COL22A1: variants seen among roughly 807,000 people sequenced by gnomAD.
COL22A1 encodes the protein collagen alpha-1(XXII) chain.
A neutral mutation model predicts 248.9 loss-of-function variants in COL22A1; 221 were observed. The ratio of observed to expected loss-of-function variants is 0.89; its 90% CI spans 0.80 to 0.99. The LOEUF (loss-of-function observed/expected upper bound fraction) is 0.99, where lower values mean the gene tolerates loss of function less well. COL22A1 is among the 50% of genes least tolerant of loss of function. The pLI, the probability that COL22A1 is intolerant of heterozygous loss-of-function variation, is 0.00. For synonymous variants in COL22A1, 891 were observed against 793.4 expected (o/e 1.12, Z -2.07); for missense variants, 2,240 against 2,179.0 (o/e 1.03, Z -0.56).
chr8:138,725,690 C>T (rs1355492038), intron 23 of COL22A1, among the ~76,000 whole-genome samples: 5 of 152,008 alleles, frequency 3.3e-5, no homozygotes, highest in African/African-American at 1.2e-4. Context: ...ATTATCTATT[C>T]TGCTATATAT....
At chr8:138,748,752 A>G (rs1023208811) in intron 22 of COL22A1, among the ~76,000 whole-genome samples, 9 of 152,214 alleles carry the variant, frequency 5.9e-5, no homozygotes, top group African/African-American at 2.2e-4. Context: ...GCCAAGCACC[A>G]TTGCATGGGT....
intron 1 of COL22A1, among the ~76,000 whole-genome samples, chr8:138,906,033 C>T (rs562890543): frequency 6.6e-6 from 1 of 152,254 alleles, no homozygotes; most frequent in South Asian, 2.1e-4. Context: ...TCCTTAGGGG[C>T]TCCCACAGAC....
At chr8:138,758,251 TA>T (rs749057822) in intron 18 of COL22A1, among the ~76,000 whole-genome samples, 46 of 152,154 alleles carry the variant, frequency 3.0e-4, no homozygotes, top group Non-Finnish European at 5.4e-4. Context: ...AGATAACTAT[TA>T]ATGTGTCCCC....
At chr8:138,623,680 G>C in intron 52 of COL22A1, 52 bp downstream of exon 52, 1 of 1,465,076 alleles carries the variant, frequency 6.8e-7, no homozygotes, top group Non-Finnish European at 9.4e-7. Flanking sequence ...AGTTGTTTTT[G>C]ACATGTAATA....
At chr8:138,798,597 G>A (rs763038194) in intron 11 of COL22A1, among the ~76,000 whole-genome samples, 19 of 152,008 alleles carry the variant, frequency 1.2e-4, no homozygotes, top group African/African-American at 1.9e-4. Flanking sequence ...ATTTTTATGC[G>A]TATTACATGC....
chr8:138,589,871 C>T (rs1378708242), intron 64 of COL22A1, among the ~76,000 whole-genome samples: 1 of 152,128 alleles, frequency 6.6e-6, no homozygotes, highest in Non-Finnish European at 1.5e-5. Context: ...CTTAGAGACA[C>T]CTGGTGACAT....
intron 3 of COL22A1, among the ~76,000 whole-genome samples, chr8:138,870,530 G>T (rs1319556569): frequency 6.6e-6 from 1 of 151,592 alleles, no homozygotes; most frequent in East Asian, 1.9e-4. Flanking sequence ...GTGCACATGT[G>T]CCTAGATATA....
intron 37 of COL22A1, 59 bp downstream of exon 37, chr8:138,688,858 A>G (rs1239992523): frequency 1.3e-5 from 18 of 1,433,644 alleles, no homozygotes; most frequent in Non-Finnish European, 9.8e-6. Context: ...CTGCTCCTTC[A>G]GTGCCTGTAA....
At chr8:138,667,667 G>T (rs921918916) in intron 41 of COL22A1, among the ~76,000 whole-genome samples, 1 of 152,052 alleles carries the variant, frequency 6.6e-6, no homozygotes, top group Non-Finnish European at 1.5e-5. Context: ...TATCCAAAGG[G>T]TACTTTAGGG....
At chr8:138,593,377 AG>A (rs1426368641) in intron 63 of COL22A1, among the ~76,000 whole-genome samples, 32 of 152,224 alleles carry the variant, frequency 2.1e-4, no homozygotes, top group African/African-American at 7.7e-4. Context: ...CAGAACTTGA[AG>A]TAAATTTTTT....
chr8:138,831,358 A>T (rs900292857), intron 5 of COL22A1, among the ~76,000 whole-genome samples: 1 of 152,172 alleles, frequency 6.6e-6, no homozygotes, highest in African/African-American at 2.4e-5. Context: ...GGCAGGGCTT[A>T]GTTGGGTGCC....
chr8:138,672,888 TTCAG>T (rs1244705795), intron 41 of COL22A1, among the ~76,000 whole-genome samples: 3 of 152,214 alleles, frequency 2.0e-5, no homozygotes, highest in South Asian at 4.1e-4. Flanking sequence ...CCCCAGCTCC[TTCAG>T]TCAAACTAAT....
intron 21 of COL22A1, among the ~76,000 whole-genome samples, chr8:138,752,484 A>C (rs946723447): frequency 1.3e-5 from 2 of 152,236 alleles, no homozygotes; most frequent in African/African-American, 4.8e-5. Context: ...AAACTGCAGT[A>C]ATTAAAGGTG....
intron 16 of COL22A1, among the ~76,000 whole-genome samples, chr8:138,763,584 TG>T (rs1563729543): frequency 6.6e-6 from 1 of 152,002 alleles, no homozygotes; most frequent in African/African-American, 2.4e-5. Context: ...TTCTTCCAGG[TG>T]GGCTGCAAGA....
chr8:138,677,014 A>G (rs1825613370), intron 40 of COL22A1, among the ~76,000 whole-genome samples: 2 of 152,184 alleles, frequency 1.3e-5, no homozygotes, highest in African/African-American at 2.4e-5. Flanking sequence ...CCACATTTCA[A>G]TTTAGATCCC....
intron 23 of COL22A1, among the ~76,000 whole-genome samples, chr8:138,726,716 C>A (rs1298588633): frequency 1.3e-5 from 2 of 152,066 alleles, no homozygotes; most frequent in African/African-American, 4.8e-5. Context: ...TCATAAAGGC[C>A]GGCTGCTGTT....
At chr8:138,633,047 T>C (rs1202200452) in intron 49 of COL22A1, among the ~76,000 whole-genome samples, 1 of 152,182 alleles carries the variant, frequency 6.6e-6, no homozygotes, top group South Asian at 2.1e-4. Flanking sequence ...TCGCTACCCA[T>C]ATCCCTGCAT....
chr8:138,694,950 C>T (rs541236867), intron 32 of COL22A1, 71 bp from the exon 33 acceptor site: 106 of 1,464,100 alleles, frequency 7.2e-5, no homozygotes, highest in Non-Finnish European at 9.8e-5. Context: ...TACATGTCCC[C>T]AGCTCCGGAC....
At chr8:138,772,263 G>A (rs1316060230) in intron 16 of COL22A1, among the ~76,000 whole-genome samples, 1 of 152,238 alleles carries the variant, frequency 6.6e-6, no homozygotes, top group Admixed American at 6.5e-5. Flanking sequence ...GCAGGTACCA[G>A]CTCACGCAGG....
Sources: gnomAD v4.1 joint callset for allele counts (sites outside exome capture counted in the v4.1 genomes callset) on GRCh38, gnomAD v4.1.1 for gene constraint, MANE v1.5 for transcripts, NCBI Gene and HGNC (gene_info 2026-07-23, HGNC 2026-07-21) for gene names.